The following SGCZ variants were observed in gnomAD, a reference collection of about 807,000 sequenced individuals.
SGCZ encodes sarcoglycan zeta, also known as zeta-sarcoglycan.
SGCZ carries 40 observed loss-of-function variants against 41.3 expected under a neutral mutation model. That is an observed-to-expected ratio of 0.97 (90% CI 0.75 to 1.26). SGCZ has a LOEUF of 1.26. SGCZ is among the 50% of genes most tolerant of loss of function. The probability of loss-of-function intolerance (pLI) is 0.00; values close to 1 mark genes in which losing one functional copy is unlikely to be tolerated. For synonymous variants in SGCZ, 206 were observed against 137.5 expected, an observed-to-expected ratio of 1.50 and a Z score of -3.49; for missense variants, 552 against 369.8, an observed-to-expected ratio of 1.49 and a Z score of -4.04.
At chr8:14,092,617 G>A (rs929527496) in intron 7 of SGCZ, among the ~76,000 whole-genome samples, 27 of 151,922 alleles carry the variant, frequency 1.8e-4, no homozygotes, top group African/African-American at 6.5e-4. Context: ...TGTTCTCAGG[G>A]TAGTGAACAA....
intron 2 of SGCZ, among the ~76,000 whole-genome samples, chr8:14,387,441 G>C (rs546024881): frequency 7.2e-5 from 11 of 152,098 alleles, no homozygotes; most frequent in Non-Finnish European, 1.2e-4. Flanking sequence ...ACCTTTACTT[G>C]TCAAAAATAT....
At chr8:15,080,594 T>C (rs764599647) in intron 1 of SGCZ, among the ~76,000 whole-genome samples, 16 of 151,926 alleles carry the variant, frequency 1.1e-4, no homozygotes, top group Admixed American at 3.9e-4. Flanking sequence ...GGTATCTTTA[T>C]TTATTTATTT....
At chr8:14,912,885 A>G (rs572449166) in intron 1 of SGCZ, among the ~76,000 whole-genome samples, 2 of 152,228 alleles carry the variant, frequency 1.3e-5, no homozygotes, top group South Asian at 2.1e-4. Context: ...TCTGCTTCCA[A>G]TTCTTAACTG....
At position 15,121,434 on chromosome 8, in the gene SGCZ, A is replaced by T. The variant is rs139675863; in HGVS notation, c.39+116151T>A. Among the ~76,000 whole-genome samples, 647 of 152,318 alleles carry T rather than the reference A, an allele frequency of 4.2e-3. 6 individuals carry two copies. The highest frequency in any genetic ancestry group is 0.015 in the African/African-American group (626 of 41,576). ...GGCTACAAAATGTGTCATATAGCAG[A>T]TGACCTTCCAAGTACCAAGAAGACT... On this transcript the variant is annotated intron_variant, in intron 1 of 7. Coordinates refer to ENST00000382080, the MANE Select transcript of SGCZ (RefSeq NM_139167.4).
intron 1 of SGCZ, among the ~76,000 whole-genome samples, chr8:15,153,214 T>C (rs1001865276): frequency 6.6e-6 from 1 of 151,882 alleles, no homozygotes; most frequent in African/African-American, 2.4e-5. Flanking sequence ...AGGGATTAAT[T>C]CTCTTGTAAA....
At chr8:14,893,409 G>A (rs1342654951) in intron 1 of SGCZ, among the ~76,000 whole-genome samples, 1 of 152,074 alleles carries the variant, frequency 6.6e-6, no homozygotes, top group Non-Finnish European at 1.5e-5. Context: ...AAATGATAAG[G>A]TAATAAATAT....
chr8:14,807,017 G>C lies in SGCZ; in HGVS notation c.40-252091C>G, dbSNP rs540993782. Among the ~76,000 whole-genome samples the C allele has an allele frequency of 1.7e-4, 26 of 152,214 alleles. No homozygotes were observed. The South Asian group carries it at 4.4e-3, about 26-fold the overall frequency. On this transcript the variant is annotated intron_variant, in intron 1 of 7. Coordinates refer to ENST00000382080, the MANE Select transcript of SGCZ (RefSeq NM_139167.4). ...CTCAATAGATGCAGAAAAGGCCTTT[G>C]ACAAAATTCAACAACGCTTCAGGCT...
intron 1 of SGCZ, among the ~76,000 whole-genome samples, chr8:14,694,762 T>C (rs1808903869): frequency 6.6e-6 from 1 of 152,170 alleles, no homozygotes; most frequent in Non-Finnish European, 1.5e-5. Flanking sequence ...TATTTATTTA[T>C]CAAAAATGTT....
At chr8:14,357,448 T>G (rs1288290810) in intron 2 of SGCZ, among the ~76,000 whole-genome samples, 1 of 152,184 alleles carries the variant, frequency 6.6e-6, no homozygotes, top group Non-Finnish European at 1.5e-5. Context: ...TTGACAATAA[T>G]CAGTGATTCA....
At chr8:14,912,356 T>C (rs188201343) in intron 1 of SGCZ, among the ~76,000 whole-genome samples, 242 of 152,108 alleles carry the variant, frequency 1.6e-3, no homozygotes, top group Admixed American at 0.012. Context: ...GACTTCCCAA[T>C]AGACACAATT....
chr8:14,438,688 G>A (rs1469634939), intron 2 of SGCZ, among the ~76,000 whole-genome samples: 2 of 151,696 alleles, frequency 1.3e-5, no homozygotes, highest in African/African-American at 4.8e-5. Context: ...TATTTCATGA[G>A]GCTAAAATAA....
intron 3 of SGCZ, among the ~76,000 whole-genome samples, chr8:14,287,191 A>C (rs1800670547): frequency 6.6e-6 from 1 of 151,366 alleles, no homozygotes; most frequent in African/African-American, 2.4e-5. Flanking sequence ...CCTGTTTACC[A>C]GTTGTCTTTA....
chr8:14,520,084 C>T lies in SGCZ; in HGVS notation c.234+34648G>A, dbSNP rs538311828. 3.9e-5 allele frequency among the ~76,000 whole-genome samples: 6 copies of T among 152,190 alleles called. No homozygotes were observed. The South Asian group carries it at 1.0e-3, about 26-fold the overall frequency. On this transcript the variant is annotated intron_variant, in intron 2 of 7. Coordinates refer to ENST00000382080, the MANE Select transcript of SGCZ (RefSeq NM_139167.4). ...AAATAAAGGAGTAACAATCATTCCA[C>T]AATGACAAGCTATAGTCAGCTTGAT...
At position 14,853,059 on chromosome 8, in the gene SGCZ, C is replaced by CA. The variant is rs1563316189; in HGVS notation, c.40-298134_40-298133insT. On this transcript the variant is annotated intron_variant, in intron 1 of 7. Transcript: ENST00000382080. ...ATACATAGAAAGTATATTCCAATAG[C>CA]GGCCTTTGCATGTGTGCATTATAGC... Among the ~76,000 whole-genome samples, 9 of 152,154 alleles carry CA rather than the reference C, an allele frequency of 5.9e-5. No homozygotes were observed. In the East Asian group the frequency reaches 1.7e-3, roughly 29 times the overall value.
chr8:14,761,017 A>C (rs992910367), intron 1 of SGCZ, among the ~76,000 whole-genome samples: 3 of 152,152 alleles, frequency 2.0e-5, no homozygotes, highest in Non-Finnish European at 4.4e-5. Context: ...GGGATTTCGA[A>C]GATAAGTTGC....
At chr8:15,230,508 C>T (rs941177268) in intron 1 of SGCZ, among the ~76,000 whole-genome samples, 1 of 152,154 alleles carries the variant, frequency 6.6e-6, no homozygotes, top group Non-Finnish European at 1.5e-5. Context: ...AGCAGAAAAT[C>T]TTGTTTTGAT....
chr8:14,910,935 T>A (rs1799263814), intron 1 of SGCZ, among the ~76,000 whole-genome samples: 1 of 152,018 alleles, frequency 6.6e-6, no homozygotes, highest in South Asian at 2.1e-4. Context: ...CTAACAAACA[T>A]ATTCTACAAT....
intron 4 of SGCZ, among the ~76,000 whole-genome samples, chr8:14,211,478 G>T (rs1420332155): frequency 6.6e-6 from 1 of 152,108 alleles, no homozygotes; most frequent in Non-Finnish European, 1.5e-5. Context: ...TTATCAATCA[G>T]TTCTCACACT....
At chr8:14,428,618 A>C (rs1799856736) in intron 2 of SGCZ, among the ~76,000 whole-genome samples, 1 of 152,204 alleles carries the variant, frequency 6.6e-6, no homozygotes, top group East Asian at 1.9e-4. Flanking sequence ...ACTTTAGAAA[A>C]TAGATTCACA....
Sources: gnomAD v4.1 joint callset for allele counts (sites outside exome capture counted in the v4.1 genomes callset) on GRCh38, gnomAD v4.1.1 for gene constraint, MANE v1.5 for transcripts, NCBI Gene and HGNC (gene_info 2026-07-23, HGNC 2026-07-21) for gene names.